Variants in DDAH1 observed in about 807,000 individuals in gnomAD.
DDAH1 encodes the protein N(G),N(G)-dimethylarginine dimethylaminohydrolase 1.
Under a neutral mutation model 28.8 loss-of-function variants are expected in DDAH1, and 19 were observed. The ratio of observed to expected loss-of-function variants is 0.66; its 90% CI spans 0.46 to 0.97. The LOEUF (loss-of-function observed/expected upper bound fraction) is 0.97. Ranked by LOEUF, DDAH1 falls within the 50% of genes least tolerant of loss-of-function variation. The pLI is 0.00. For synonymous variants in DDAH1, 153 were observed against 154.4 expected (o/e 0.99, Z 0.07); for missense variants, 326 against 375.9 (o/e 0.87, Z 1.10).
intron 1 of DDAH1, among the ~76,000 whole-genome samples, chr1:85,541,141 G>A (rs1457270484): frequency 6.6e-6 from 1 of 152,110 alleles, no homozygotes; most frequent in Non-Finnish European, 1.5e-5. Flanking sequence ...GAATTGAGAT[G>A]TCGTGTTTCA....
chr1:85,575,587 A>G (rs1256781711), intron 1 of DDAH1, among the ~76,000 whole-genome samples: 1 of 152,250 alleles, frequency 6.6e-6, no homozygotes, highest in Admixed American at 6.5e-5. Context: ...CTCAGGGGTT[A>G]GCACAGCTTC....
chr1:85,549,293 A>G (rs970870133), intron 1 of DDAH1, among the ~76,000 whole-genome samples: 2 of 152,158 alleles, frequency 1.3e-5, no homozygotes, highest in Non-Finnish European at 2.9e-5. Flanking sequence ...AATTCCTTCT[A>G]GACTAAAGGT....
chr1:85,481,098 G>GTTTTTTTTTT (rs71075839), intron 2 of DDAH1, among the ~76,000 whole-genome samples: 42 of 113,460 alleles, frequency 3.7e-4, no homozygotes, highest in East Asian at 1.5e-3. Context: ...TGGGTTTTTT[G>GTTTTTTTTTT]TTTTTTTTTT....
chr1:85,386,969 A>G (rs1350804102), intron 1 of DDAH1, among the ~76,000 whole-genome samples: 1 of 152,194 alleles, frequency 6.6e-6, no homozygotes, highest in Admixed American at 6.5e-5. Context: ...CGGAGCTAAA[A>G]GCAGCAGGGA....
intron 1 of DDAH1, among the ~76,000 whole-genome samples, chr1:85,437,304 T>A (rs958301130): frequency 6.6e-6 from 1 of 152,176 alleles, no homozygotes; most frequent in Non-Finnish European, 1.5e-5. Context: ...GTCTTCCCAG[T>A]ATCAACTGCC....
intron 1 of DDAH1, among the ~76,000 whole-genome samples, chr1:85,451,538 A>T (rs1654670082): frequency 1.3e-5 from 2 of 152,178 alleles, no homozygotes; most frequent in South Asian, 4.1e-4. Flanking sequence ...TAAGCACTGG[A>T]ACCACAATTT....
At chr1:85,428,128 T>TTGTGTGACCCAAG (rs1439625704) in intron 1 of DDAH1, among the ~76,000 whole-genome samples, 1 of 152,198 alleles carries the variant, frequency 6.6e-6, no homozygotes, top group Non-Finnish European at 1.5e-5. Context: ...TCCTTCCAGT[T>TTGTGTGACCCAAG]ATCCATCTGC....
chr1:85,527,199 T>A (rs1279917756), intron 1 of DDAH1, among the ~76,000 whole-genome samples: 1 of 152,204 alleles, frequency 6.6e-6, no homozygotes, highest in Non-Finnish European at 1.5e-5. Context: ...TTACTGAGGA[T>A]CCTGCTGTCC....
chr1:85,391,433 C>T (rs145657548), intron 1 of DDAH1, among the ~76,000 whole-genome samples: 17 of 152,254 alleles, frequency 1.1e-4, no homozygotes, highest in African/African-American at 3.6e-4. Context: ...TGTCACTGCA[C>T]TCCAGCCTGG....
intron 1 of DDAH1, among the ~76,000 whole-genome samples, chr1:85,388,136 A>G (rs551752660): frequency 6.6e-6 from 1 of 152,314 alleles, no homozygotes; most frequent in East Asian, 1.9e-4. Context: ...TTTCAACATG[A>G]GATCTGGAGA....
chr1:85,353,662 C>T (rs1253870429), intron 2 of DDAH1, among the ~76,000 whole-genome samples: 1 of 151,768 alleles, frequency 6.6e-6, no homozygotes, highest in East Asian at 1.9e-4. Context: ...GAAAAAATAC[C>T]AAGTTTCTTT....
intron 1 of DDAH1, among the ~76,000 whole-genome samples, chr1:85,497,049 A>T (rs1656619784): frequency 6.6e-6 from 1 of 152,188 alleles, no homozygotes; most frequent in Non-Finnish European, 1.5e-5. Flanking sequence ...TAATTCTTAT[A>T]CCAGAAATGT....
At chr1:85,377,170 G>T (rs1348910997) in intron 1 of DDAH1, among the ~76,000 whole-genome samples, 1 of 152,066 alleles carries the variant, frequency 6.6e-6, no homozygotes, top group East Asian at 1.9e-4. Context: ...CTGCCACAGA[G>T]GCAGAAGCAG....
At chr1:85,458,052 T>C (rs1009401061) in intron 1 of DDAH1, among the ~76,000 whole-genome samples, 90 of 152,356 alleles carry the variant, frequency 5.9e-4, no homozygotes, top group African/African-American at 1.7e-3. Context: ...AAAATGCTGA[T>C]GTATGTATCT....
intron 1 of DDAH1, among the ~76,000 whole-genome samples, chr1:85,532,232 TA>T (rs199670438): frequency 0.027 from 4,147 of 152,048 alleles, 130 homozygotes; most frequent in East Asian, 0.11. Flanking sequence ...TGATTCTCTC[TA>T]AGTGCCTTAT....
At chr1:85,562,176 A>C (rs567075704) in intron 1 of DDAH1, among the ~76,000 whole-genome samples, 2 of 152,158 alleles carry the variant, frequency 1.3e-5, no homozygotes, top group African/African-American at 4.8e-5. Context: ...GGCTTTATTA[A>C]AAAAAAACAG....
Position 85,319,574 on chromosome 1 carries a change from C to A in DDAH1, c.*1878G>T, listed in dbSNP as rs907956560. Reference sequence around the variant, plus strand: ...GGCCAGATTTAACCCAAAAGGACAACCTTGAGAACATTTTTTCTTTGTTAA... The same window carrying A: ...GGCCAGATTTAACCCAAAAGGACAAACTTGAGAACATTTTTTCTTTGTTAA... On this transcript the variant is annotated 3_prime_UTR_variant, in exon 6 of 6. Coordinates refer to ENST00000284031, the MANE Select transcript of DDAH1 (RefSeq NM_012137.4). 3 of 152,172 alleles carry A rather than the reference C, an allele frequency of 2.0e-5. No individual in the cohort carries two copies. The highest frequency in any genetic ancestry group is 7.2e-5 in the African/African-American group (3 of 41,444). The allele number at this position is 152,172 out of a possible 1,614,324, so 9.4% of individuals were successfully genotyped here.
In DDAH1 at chr1:85,464,972, A is replaced by G. The variant is rs1341708726; in HGVS notation, c.74T>C (p.Leu25Pro). ...GGCGCTTCTCAGCGCGTGCTGGCCG[A>G]GCGACTCGGGTAGCGCCCGCACCAC... ...HAVVRALPES[L>P]GQHALRSAKG... Residue 25 changes from leucine (L) to proline (P), a missense_variant, in exon 1 of 6, where the codon CTC becomes CCC. Leu to Pro is a moderately conservative substitution (Grantham distance 98). Transcript: ENST00000284031. The surrounding 1 kb of genome is among the most constrained non-coding windows in gnomAD (Gnocchi z 4.4). 1 of 1,471,688 alleles carries G rather than the reference A, an allele frequency of 6.8e-7. No homozygotes were observed. The highest frequency in any genetic ancestry group is 9.0e-7 in the Non-Finnish European group (1 of 1,116,382). 91.2% of individuals were successfully genotyped at this position (1,471,688 alleles called of 1,614,324 possible).
intron 1 of DDAH1, among the ~76,000 whole-genome samples, chr1:85,440,499 ATCT>A (rs137905485): frequency 1.1e-4 from 16 of 152,348 alleles, no homozygotes; most frequent in Non-Finnish European, 2.1e-4. Context: ...TCTATGAATT[ATCT>A]TCTGAGACTT....
Sources: allele counts gnomAD v4.1 joint callset (sites outside exome capture counted in the v4.1 genomes callset), GRCh38; gene constraint gnomAD v4.1.1; non-coding constraint Gnocchi (gnomAD v3.1); transcripts MANE v1.5; gene names NCBI Gene and HGNC (gene_info 2026-07-23, HGNC 2026-07-21).